Variants in GLIS3 observed in about 807,000 individuals in gnomAD.
The protein encoded by GLIS3 is GLIS family zinc finger 3.
Under a neutral mutation model 78.6 loss-of-function variants are expected in GLIS3, and 53 were observed. That is an observed-to-expected ratio of 0.67 (90% CI 0.54 to 0.85). The LOEUF (loss-of-function observed/expected upper bound fraction) is 0.85. GLIS3 is among the 40% of genes least tolerant of loss of function. The pLI is 0.00. For missense variants in GLIS3, 1,703 were observed against 1,231.1 expected (o/e 1.38, Z -5.74); for synonymous variants, 684 against 509.9 (o/e 1.34, Z -4.60).
intron 2 of GLIS3, among the ~76,000 whole-genome samples, chr9:4,184,692 G>C (rs1035422700): frequency 1.3e-5 from 2 of 152,228 alleles, no homozygotes; most frequent in African/African-American, 4.8e-5. Flanking sequence ...GAGATTTAGA[G>C]AGACTTAAAC....
chr9:4,107,125 C>G (rs1586687228), intron 4 of GLIS3, among the ~76,000 whole-genome samples: 1 of 152,090 alleles, frequency 6.6e-6, no homozygotes, highest in African/African-American at 2.4e-5. Context: ...TTTGATGAGA[C>G]CAGGTCGCCA....
the GLIS3 span, among the ~76,000 whole-genome samples, chr9:4,389,360 T>C: frequency 6.6e-6 from 1 of 152,160 alleles, no homozygotes; most frequent in Non-Finnish European, 1.5e-5. Context: ...TTCCCTCCTA[T>C]ACAATGTAGG....
chr9:4,452,124 C>T, the GLIS3 span, among the ~76,000 whole-genome samples: 1 of 152,026 alleles, frequency 6.6e-6, no homozygotes, highest in Admixed American at 6.6e-5. Context: ...ATTCAACACC[C>T]CTTCATGCTA....
intron 4 of GLIS3, among the ~76,000 whole-genome samples, chr9:4,069,676 G>C (rs1173250633): frequency 1.3e-5 from 2 of 152,118 alleles, no homozygotes; most frequent in Admixed American, 6.6e-5. Flanking sequence ...AGTAAATGTA[G>C]AGAGGTGCTT....
At chr9:3,972,544 G>T (rs1025306081) in intron 4 of GLIS3, among the ~76,000 whole-genome samples, 4 of 152,026 alleles carry the variant, frequency 2.6e-5, no homozygotes, top group Non-Finnish European at 5.9e-5. Context: ...CTTGACTGTA[G>T]TTTCAAAAAG....
chr9:4,428,324 C>T, the GLIS3 span, among the ~76,000 whole-genome samples: 7 of 151,448 alleles, frequency 4.6e-5, no homozygotes, highest in South Asian at 2.1e-4. Flanking sequence ...ACTAAAAATA[C>T]AAAAATTAGC....
the GLIS3 span, among the ~76,000 whole-genome samples, chr9:4,456,403 T>C: frequency 8.4e-4 from 128 of 152,312 alleles, 1 homozygote; most frequent in Middle Eastern, 0.02. Context: ...ACAAAAGCTT[T>C]CTCTAGCATG....
chr9:4,149,958 C>T (rs575764688), intron 2 of GLIS3, among the ~76,000 whole-genome samples: 7 of 152,256 alleles, frequency 4.6e-5, no homozygotes, highest in East Asian at 1.9e-4. Flanking sequence ...TTTTTATTCA[C>T]GAAGAGTCTT....
chr9:4,281,156 T>A (rs1486749716), intron 2 of GLIS3, among the ~76,000 whole-genome samples: 1 of 152,196 alleles, frequency 6.6e-6, no homozygotes, highest in Non-Finnish European at 1.5e-5. Context: ...CCACAAATAC[T>A]AATGGGATGT....
At chr9:4,394,354 C>T in the GLIS3 span, among the ~76,000 whole-genome samples, 10 of 150,518 alleles carry the variant, frequency 6.6e-5, no homozygotes, top group Non-Finnish European at 8.9e-5. Context: ...ATTATTTAAT[C>T]TTTAAGCCCC....
At chr9:4,424,730 A>C in the GLIS3 span, among the ~76,000 whole-genome samples, 3 of 152,020 alleles carry the variant, frequency 2.0e-5, no homozygotes, top group Non-Finnish European at 4.4e-5. Flanking sequence ...TGCCTGGCTA[A>C]TGTTTTTTAT....
At chr9:3,891,472 C>G (rs1822443325) in intron 7 of GLIS3, among the ~76,000 whole-genome samples, 1 of 152,142 alleles carries the variant, frequency 6.6e-6, no homozygotes, top group African/African-American at 2.4e-5. Context: ...GAGACCAAGG[C>G]AGGAGGATCA....
At chr9:3,990,221 A>T (rs1209780603) in intron 4 of GLIS3, among the ~76,000 whole-genome samples, 1 of 152,216 alleles carries the variant, frequency 6.6e-6, no homozygotes, top group African/African-American at 2.4e-5. Context: ...TCATTCCATT[A>T]ATCATCACCA....
At chr9:4,146,460 G>A (rs1369935671) in intron 2 of GLIS3, among the ~76,000 whole-genome samples, 10 of 152,142 alleles carry the variant, frequency 6.6e-5, no homozygotes, top group African/African-American at 2.4e-4. Context: ...TCATTCCACA[G>A]GCTGCCTATT....
intron 2 of GLIS3, among the ~76,000 whole-genome samples, chr9:4,276,547 G>A (rs1354208531): frequency 4.5e-5 from 5 of 110,930 alleles, no homozygotes; most frequent in Admixed American, 4.4e-4. Flanking sequence ...GGGACGGAAG[G>A]GGAGGGGAGG....
chr9:4,105,991 A>G (rs1465755368), intron 4 of GLIS3, among the ~76,000 whole-genome samples: 1 of 152,196 alleles, frequency 6.6e-6, no homozygotes, highest in Non-Finnish European at 1.5e-5. Flanking sequence ...AACTCAATCC[A>G]TGCCGCAAGA....
intron 6 of GLIS3, among the ~76,000 whole-genome samples, chr9:3,911,519 G>A (rs964008672): frequency 1.3e-5 from 2 of 152,130 alleles, no homozygotes; most frequent in Non-Finnish European, 2.9e-5. Flanking sequence ...CCCAAACTAA[G>A]TTATCTAAAA....
At chr9:4,354,970 C>G in the GLIS3 span, among the ~76,000 whole-genome samples, 4 of 151,528 alleles carry the variant, frequency 2.6e-5, no homozygotes, top group Non-Finnish European at 5.9e-5. Flanking sequence ...CCAAAAATTA[C>G]CCAGGCGTGG....
chr9:4,003,637 C>G (rs1310444636), intron 4 of GLIS3, among the ~76,000 whole-genome samples: 1 of 152,208 alleles, frequency 6.6e-6, no homozygotes, highest in Non-Finnish European at 1.5e-5. Flanking sequence ...CATCACCATT[C>G]TGCACATTTG....
Sources: gnomAD v4.1 joint callset for allele counts (sites outside exome capture counted in the v4.1 genomes callset) on GRCh38, gnomAD v4.1.1 for gene constraint, MANE v1.5 for transcripts, NCBI Gene and HGNC (gene_info 2026-07-23, HGNC 2026-07-21) for gene names.